TNIK: variants seen among roughly 807,000 people sequenced by gnomAD.
The protein encoded by TNIK is TRAF2 and NCK-interacting protein kinase.
TNIK carries 49 observed loss-of-function variants against 191.3 expected under a neutral mutation model. The observed-to-expected ratio is 0.26, with a 90% CI of 0.20 to 0.32. The LOEUF is 0.32. Among genes scored for constraint, TNIK ranks in the 10% least tolerant of loss-of-function variants. The pLI, the probability that TNIK is intolerant of heterozygous loss-of-function variation, is 1.00. For synonymous variants in TNIK, 594 were observed against 600.9 expected (o/e 0.99, Z 0.17); for missense variants, 1,155 against 1,702.3 (o/e 0.68, Z 5.66).
At chr3:171,328,284 C>T (rs1756038997) in intron 2 of TNIK, among the ~76,000 whole-genome samples, 1 of 152,186 alleles carries the variant, frequency 6.6e-6, no homozygotes, top group South Asian at 2.1e-4. Flanking sequence ...CTGCTGGAGG[C>T]TTGATCTTGG....
At chr3:171,114,723 G>A (rs777230501) in intron 18 of TNIK, among the ~76,000 whole-genome samples, 38 of 152,276 alleles carry the variant, frequency 2.5e-4, no homozygotes, top group Non-Finnish European at 1.5e-4. Flanking sequence ...AGTAAAATCA[G>A]TTGCAGAGTG....
intron 2 of TNIK, among the ~76,000 whole-genome samples, chr3:171,262,070 G>A (rs533479920): frequency 6.6e-6 from 1 of 152,294 alleles, no homozygotes; most frequent in Admixed American, 6.5e-5. Flanking sequence ...GAGCAAGATA[G>A]TGACAGTGGC....
chr3:171,415,612 C>CT (rs1487674426), intron 1 of TNIK, among the ~76,000 whole-genome samples: 3 of 152,092 alleles, frequency 2.0e-5, no homozygotes, highest in Middle Eastern at 3.4e-3. Flanking sequence ...TACAGAACCC[C>CT]TAGGATTGGA....
intron 1 of TNIK, among the ~76,000 whole-genome samples, chr3:171,395,023 A>G (rs1290575188): frequency 1.3e-5 from 2 of 152,216 alleles, no homozygotes; most frequent in Non-Finnish European, 2.9e-5. Context: ...TCTGCATTAT[A>G]AACTAAACAA....
intron 6 of TNIK, among the ~76,000 whole-genome samples, 161 bp downstream of exon 6, chr3:171,190,536 A>C (rs1489195625): frequency 6.6e-6 from 1 of 152,214 alleles, no homozygotes; most frequent in Non-Finnish European, 1.5e-5. Flanking sequence ...GAATGCCTTG[A>C]GAAAATATTT....
At chr3:171,231,517 C>T (rs1317283026) in intron 2 of TNIK, among the ~76,000 whole-genome samples, 1 of 152,056 alleles carries the variant, frequency 6.6e-6, no homozygotes, top group Non-Finnish European at 1.5e-5. Context: ...CAATTAGCAG[C>T]CTCAGATCAC....
At chr3:171,097,613 A>G (rs988811902) in intron 22 of TNIK, among the ~76,000 whole-genome samples, 1 of 152,200 alleles carries the variant, frequency 6.6e-6, no homozygotes, top group African/African-American at 2.4e-5. Flanking sequence ...TCCCCTGCAC[A>G]TGCTCTCTTG....
chr3:171,192,363 C>A (rs1170706885), intron 5 of TNIK, among the ~76,000 whole-genome samples: 1 of 152,146 alleles, frequency 6.6e-6, no homozygotes, highest in Non-Finnish European at 1.5e-5. Context: ...GCCAAAAGTT[C>A]TTTTAATGAG....
chr3:171,166,246 A>G lies in TNIK; in HGVS notation c.949+849T>C, dbSNP rs140755852. ...TTGCCTAATGAAAATTCTCTTCACCATATAAGAATCTTGCTCATTTCTACA... is the reference window on the plus strand; with the variant it reads ...TTGCCTAATGAAAATTCTCTTCACCGTATAAGAATCTTGCTCATTTCTACA... On this transcript the variant is annotated intron_variant, in intron 10 of 32. Transcript: ENST00000436636. Among the ~76,000 whole-genome samples the G allele has an allele frequency of 2.6e-4, 39 of 152,360 alleles. 1 individual carries two copies. In the East Asian group the frequency reaches 7.1e-3, roughly 28 times the overall value.
intron 18 of TNIK, among the ~76,000 whole-genome samples, chr3:171,122,268 G>C (rs1727857353): frequency 6.6e-6 from 1 of 152,188 alleles, no homozygotes; most frequent in Admixed American, 6.5e-5. Flanking sequence ...CCGGGGGCAG[G>C]GTTCAAAGGA....
At chr3:171,376,321 C>G (rs1018037218) in intron 1 of TNIK, among the ~76,000 whole-genome samples, 1 of 152,162 alleles carries the variant, frequency 6.6e-6, no homozygotes, top group Admixed American at 6.5e-5. Flanking sequence ...CAAGTTCCCT[C>G]AAAGGTAATT....
At position 171,128,791 on chromosome 3, in the gene TNIK, G is replaced by A. The variant is rs1418513695; in HGVS notation, c.1696C>T (p.Pro566Ser). ...CTAATGCTGAAGGACTCCGACCTTG[G>A]GGGCAGGTTGGGGTCAGATATCCTG... ...ANRISDPNLP[P>S]RSESFSISGV... Residue 566 changes from proline (P) to serine (S), a missense_variant, in exon 16 of 33, where the codon CCA becomes TCA. This residue lies in a region of TNIK where 735 missense variants were observed against 848.0 expected (regional missense o/e 0.87). Coordinates refer to ENST00000436636, the MANE Select transcript of TNIK (RefSeq NM_015028.4). 1 of 1,610,848 alleles carries A rather than the reference G, an allele frequency of 6.2e-7. No homozygotes were observed. The highest frequency in any genetic ancestry group is 8.5e-7 in the Non-Finnish European group (1 of 1,178,854).
chr3:171,230,373 T>G (rs1224146548), intron 2 of TNIK, among the ~76,000 whole-genome samples: 1 of 151,978 alleles, frequency 6.6e-6, no homozygotes, highest in Non-Finnish European at 1.5e-5. Flanking sequence ...TGAAAGAGGG[T>G]AGGGGAAACG....
chr3:171,228,359 A>G, intron 2 of TNIK, 138 bp from the exon 3 acceptor site: 2 of 784,274 alleles, frequency 2.6e-6, no homozygotes, highest in Non-Finnish European at 4.0e-6. Flanking sequence ...ACACACACAG[A>G]AACACCATGT....
intron 4 of TNIK, among the ~76,000 whole-genome samples, chr3:171,201,400 AAAAT>A (rs950569455): frequency 1.3e-5 from 2 of 152,014 alleles, no homozygotes; most frequent in Admixed American, 6.6e-5. Context: ...ACTCCGTCTC[AAAAT>A]AAATAAATAA....
chr3:171,168,714 T>A (rs941238667), intron 9 of TNIK, among the ~76,000 whole-genome samples: 1 of 152,172 alleles, frequency 6.6e-6, no homozygotes, highest in Non-Finnish European at 1.5e-5. Context: ...GGACTAGAAA[T>A]AGTGACAGCA....
chr3:171,268,061 C>G (rs953262465), intron 2 of TNIK, among the ~76,000 whole-genome samples: 2 of 152,150 alleles, frequency 1.3e-5, no homozygotes, highest in Admixed American at 1.3e-4. Context: ...TCTGGAAAAC[C>G]GTCTCAAAAC....
chr3:171,375,762 C>T (rs556862234), intron 1 of TNIK, among the ~76,000 whole-genome samples: 14 of 152,184 alleles, frequency 9.2e-5, no homozygotes, highest in Non-Finnish European at 1.5e-4. Flanking sequence ...CTATTTCCTT[C>T]ACATCATAAA....
chr3:171,330,235 G>C (rs961945800), intron 2 of TNIK, among the ~76,000 whole-genome samples: 5 of 152,178 alleles, frequency 3.3e-5, no homozygotes, highest in Non-Finnish European at 7.3e-5. Context: ...TCAGTCAAGT[G>C]TCATTGAGTC....
Sources: allele counts gnomAD v4.1 joint callset (sites outside exome capture counted in the v4.1 genomes callset), GRCh38; gene constraint gnomAD v4.1.1; regional missense constraint gnomAD v4.1.1; transcripts MANE v1.5; gene names NCBI Gene and HGNC (gene_info 2026-07-23, HGNC 2026-07-21).